TMEM63A: variants seen among roughly 807,000 people sequenced by gnomAD.
TMEM63A encodes transmembrane protein 63A, also known as mechanosensitive cation channel TMEM63A.
In TMEM63A, 76 loss-of-function variants were observed where a neutral mutation model predicts 100.6. The observed-to-expected ratio is 0.76, with a 90% CI of 0.63 to 0.91. TMEM63A has a LOEUF of 0.91. Among genes scored for constraint, TMEM63A ranks in the 40% least tolerant of loss-of-function variants. The pLI, the probability that TMEM63A is intolerant of heterozygous loss-of-function variation, is 0.00. For synonymous variants in TMEM63A, 401 were observed against 401.1 expected (o/e 1.00, Z 0.00); for missense variants, 876 against 1,008.8 (o/e 0.87, Z 1.78).
Position 225,849,911 on chromosome 1 carries a change from C to G in TMEM63A, c.2071+1G>C. 6.2e-7 allele frequency: 1 copy of G among 1,613,632 alleles called. No homozygotes were observed. The highest frequency in any genetic ancestry group is 8.5e-7 in the Non-Finnish European group (1 of 1,179,812). On this transcript the variant is annotated splice_donor_variant, in intron 21 of 24. Transcript: ENST00000366835. LOFTEE classifies it high-confidence loss of function. ...GGCCCCAGGTCAGAAGGGCTGCTCA[C>G]CCAGGCGCAGGAAGGAAAAGAAGTA...
rs1668971980 is a variant in TMEM63A at position 225,846,176 on chromosome 1, C to G, written c.*763G>C. 2 of 153,202 alleles carry G rather than the reference C, an allele frequency of 1.3e-5. No individual in the cohort carries two copies. Among genetic ancestry groups the G allele is most frequent in the Admixed American group, 1.3e-4 (2 of 15,298 alleles). The allele number at this position is 153,202 out of a possible 1,614,324, so 9.5% of individuals were successfully genotyped here. A position where few individuals can be genotyped will look rare whatever the true frequency, so the allele number is the denominator to read the frequency against. On this transcript the variant is annotated 3_prime_UTR_variant, in exon 25 of 25. Transcript: ENST00000366835. ...GCTGTCCTTTGGCTCCGAGGAGGCCCTGAGCACTGCCCACCCCCACACCTT... is the reference window on the plus strand; with the variant it reads ...GCTGTCCTTTGGCTCCGAGGAGGCCGTGAGCACTGCCCACCCCCACACCTT...
chr1:225,849,041 G>A, intron 21 of TMEM63A, 29 bp from the exon 22 acceptor site: 1 of 1,439,906 alleles, frequency 6.9e-7, no homozygotes, highest in Non-Finnish European at 9.6e-7. Flanking sequence ...TAGCCTTGGG[G>A]TGGGCAGGGA....
intron 19 of TMEM63A, 74 bp from the exon 20 acceptor site, chr1:225,852,843 G>T (rs888236580): frequency 7.4e-7 from 1 of 1,342,686 alleles, no homozygotes; most frequent in Non-Finnish European, 1.1e-6. Context: ...TCTAAGTGGT[G>T]ATGGGAGAGC....
intron 3 of TMEM63A, among the ~76,000 whole-genome samples, chr1:225,874,669 CAGCGGT>C (rs771742700): frequency 4.6e-5 from 7 of 152,260 alleles, no homozygotes; most frequent in Non-Finnish European, 1.0e-4. Context: ...GCTCTCAAGG[CAGCGGT>C]AACACCACAA....
intron 23 of TMEM63A, 158 bp downstream of exon 23, chr1:225,848,334 G>A: frequency 4.3e-6 from 3 of 690,608 alleles, no homozygotes; most frequent in Non-Finnish European, 7.3e-6. Flanking sequence ...TACCCAGGGG[G>A]ACCAGGATTC....
chr1:225,871,037 C>G, intron 6 of TMEM63A, 39 bp downstream of exon 6: 1 of 1,612,200 alleles, frequency 6.2e-7, no homozygotes. Flanking sequence ...AAAAAACCAG[C>G]CCAAAGGCCC....
chr1:225,855,236 C>T (rs1046825986), intron 18 of TMEM63A, among the ~76,000 whole-genome samples: 2 of 152,216 alleles, frequency 1.3e-5, no homozygotes, highest in Non-Finnish European at 2.9e-5. Context: ...AGCTCTGTTC[C>T]TTAACCAGCT....
intron 2 of TMEM63A, 194 bp from the exon 3 acceptor site, chr1:225,877,788 T>C (rs1670886244): frequency 7.4e-6 from 4 of 542,444 alleles, no homozygotes; most frequent in Non-Finnish European, 1.3e-5. Context: ...ATGGCTGCAT[T>C]GTGGGACAAT....
At position 225,853,543 on chromosome 1, in the gene TMEM63A, G is replaced by T; in HGVS notation, c.1797+86C>A. 1 of 1,308,644 alleles carries T rather than the reference G, an allele frequency of 7.6e-7. No homozygotes were observed. The highest frequency in any genetic ancestry group is 1.0e-6 in the Non-Finnish European group (1 of 972,494). The allele number at this position is 1,308,644 out of a possible 1,614,324, so 81.1% of individuals were successfully genotyped here. A position where few individuals can be genotyped will look rare whatever the true frequency, so the allele number is the denominator to read the frequency against. ...CAGGTAAATGCTACCCACTAGTGGG[G>T]GTAGTGGGGGTGAGAGGCCCTCGGG... On this transcript the variant is annotated intron_variant, in intron 19 of 24. Transcript: ENST00000366835. The surrounding 1 kb of genome is among the most constrained non-coding windows in gnomAD (Gnocchi z 4.0).
At position 225,862,062 on chromosome 1, in the gene TMEM63A, G is replaced by T. The variant is rs1669967323; in HGVS notation, c.1085+156C>A. The T allele has an allele frequency of 1.7e-6, 2 of 1,184,994 alleles. No homozygotes were observed. The highest frequency in any genetic ancestry group is 2.3e-6 in the Non-Finnish European group (2 of 858,770). 73.4% of individuals were successfully genotyped at this position (1,184,994 alleles called of 1,614,324 possible). On this transcript the variant is annotated intron_variant, in intron 13 of 24. Coordinates refer to ENST00000366835, the MANE Select transcript of TMEM63A (RefSeq NM_014698.3). The surrounding 1 kb of genome is among the most constrained non-coding windows in gnomAD (Gnocchi z 5.1). ...CAAACATGGGCTGGGCTGGCTGAAA[G>T]TGAGTGTGGGTAGCTGAGGGAGGAG...
Position 225,867,027 on chromosome 1 carries a change from G to A in TMEM63A, c.566+85C>T, listed in dbSNP as rs1028817198. On this transcript the variant is annotated intron_variant, in intron 8 of 24. Coordinates refer to ENST00000366835, the MANE Select transcript of TMEM63A (RefSeq NM_014698.3). This position sits in a 1 kb window ranked among gnomAD's most constrained non-coding sequence, Gnocchi z 4.6. ...CAGATACCAGCCGGCCCCCTTTGGA[G>A]TACCTCTGGCCTGCCCCGGGCTCCT... The A allele has an allele frequency of 4.9e-6, 7 of 1,434,854 alleles. No homozygotes were observed. The highest frequency in any genetic ancestry group is 1.4e-5 in the African/African-American group (1 of 70,780). The allele number at this position is 1,434,854 out of a possible 1,614,324, so 88.9% of individuals were successfully genotyped here.
chr1:225,849,817 G>C, intron 21 of TMEM63A, 95 bp downstream of exon 21: 1 of 1,470,818 alleles, frequency 6.8e-7, no homozygotes, highest in South Asian at 1.3e-5. Flanking sequence ...TGGATGCCAT[G>C]CTGATGCTGT....
downstream of TMEM63A, chr1:225,845,375 TC>T: frequency 7.1e-7 from 1 of 1,412,990 alleles, no homozygotes; most frequent in African/African-American, 2.2e-5. Flanking sequence ...GCCTGCCACC[TC>T]CCCCCACAAG....
Position 225,871,125 on chromosome 1 carries a change from G to A in TMEM63A, c.334-12C>T. 3.7e-6 allele frequency: 6 copies of A among 1,613,562 alleles called. No individual in the cohort carries two copies. Among genetic ancestry groups the A allele is most frequent in the Non-Finnish European group, 5.1e-6 (6 of 1,179,574 alleles). ...CAGGGACAGCATCCCTGGAAACGGA[G>A]AGAACAGGGATTAGCTTCCAACATT... On this transcript the variant is annotated splice_polypyrimidine_tract_variant and intron_variant, in intron 5 of 24. Transcript: ENST00000366835.
At chr1:225,876,162 A>G (rs2102646526) in intron 3 of TMEM63A, among the ~76,000 whole-genome samples, 1 of 145,112 alleles carries the variant, frequency 6.9e-6, no homozygotes, top group Non-Finnish European at 1.5e-5. Flanking sequence ...TTGCAACAAT[A>G]CCCACCCAGC....
chr1:225,846,990 T>G (rs1669027142), intron 24 of TMEM63A, 44 bp downstream of exon 24: 2 of 1,555,806 alleles, frequency 1.3e-6, no homozygotes, highest in Non-Finnish European at 1.7e-6. Context: ...ACCTGTCTTC[T>G]CACCCCACAG....
rs1043059734 is a variant in TMEM63A at position 225,879,248 on chromosome 1, A to G, written c.-43T>C. ...ACACTAGGGGAAGGAAGGACTGTGG[A>G]TGGGCCCGTTGGAGAGGTCCTCAGT... On this transcript the variant is annotated 5_prime_UTR_variant, in exon 2 of 25. Transcript: ENST00000366835. The G allele has an allele frequency of 6.6e-6, 1 of 152,236 alleles. No homozygotes were observed. Among genetic ancestry groups the G allele is most frequent in the African/African-American group, 2.4e-5 (1 of 41,426 alleles). 9.4% of individuals were successfully genotyped at this position (152,236 alleles called of 1,614,324 possible). A position where few individuals can be genotyped will look rare whatever the true frequency, so the allele number is the denominator to read the frequency against.
At chr1:225,857,539 G>C (rs1345511302) in intron 15 of TMEM63A, among the ~76,000 whole-genome samples, 8 of 151,974 alleles carry the variant, frequency 5.3e-5, no homozygotes, top group Non-Finnish European at 1.2e-4. Flanking sequence ...CATAAAAATA[G>C]AGAGAAATTT....
chr1:225,868,017 G>A lies in TMEM63A; in HGVS notation c.385C>T (p.Leu129=). 1.2e-6 allele frequency: 2 copies of A among 1,614,210 alleles called. No individual in the cohort carries two copies. The highest frequency in any genetic ancestry group is 1.7e-6 in the Non-Finnish European group (2 of 1,180,040). The change falls in exon 7 of 25, where the codon CTG becomes TTG. Residue 129 remains leucine (L), a synonymous_variant. Transcript: ENST00000366835. ...AIFRLHDDQI[L]EWCGEDAIHY... Reference sequence around the variant, plus strand: ...ATGGCGTCCTCCCCACACCATTCCAGGATCTGGTCATCACTGGCCAAGACA... The same window carrying A: ...ATGGCGTCCTCCCCACACCATTCCAAGATCTGGTCATCACTGGCCAAGACA...
Sources: allele counts gnomAD v4.1 joint callset (sites outside exome capture counted in the v4.1 genomes callset), GRCh38; gene constraint gnomAD v4.1.1; non-coding constraint Gnocchi (gnomAD v3.1); transcripts MANE v1.5; gene names NCBI Gene and HGNC (gene_info 2026-07-23, HGNC 2026-07-21).